The following NAV3 variants were observed in gnomAD, a reference collection of about 807,000 sequenced individuals.
NAV3 encodes the protein pore membrane and/or filament interacting like protein 1.
In NAV3, 87 loss-of-function variants were observed where a neutral mutation model predicts 244.7. The ratio of observed to expected loss-of-function variants is 0.36; its 90% CI spans 0.30 to 0.42. The LOEUF (loss-of-function observed/expected upper bound fraction) is 0.42, where lower values mean the gene tolerates loss of function less well. Among genes scored for constraint, NAV3 ranks in the 20% least tolerant of loss-of-function variants. The probability of loss-of-function intolerance (pLI) is 1.00; values close to 1 mark genes in which losing one functional copy is unlikely to be tolerated. For synonymous variants in NAV3, 1,126 were observed against 1,042.2 expected, an observed-to-expected ratio of 1.08 and a Z score of -1.55; for missense variants, 2,663 against 2,893.3, an observed-to-expected ratio of 0.92 and a Z score of 1.83.
At chr12:77,659,995 A>G (rs1165340478) in intron 2 of NAV3, among the ~76,000 whole-genome samples, 3 of 151,700 alleles carry the variant, frequency 2.0e-5, no homozygotes, top group Non-Finnish European at 4.4e-5. Context: ...GCACTGGGAG[A>G]TATACCTAAT....
At chr12:77,979,720 A>C (rs1315782428) in intron 5 of NAV3, among the ~76,000 whole-genome samples, 4 of 150,982 alleles carry the variant, frequency 2.6e-5, no homozygotes, top group Non-Finnish European at 4.4e-5. Context: ...AAGAAAAAAA[A>C]AAAAAAGCCT....
chr12:78,044,446 A>C (rs1357410094), intron 9 of NAV3, among the ~76,000 whole-genome samples: 1 of 152,110 alleles, frequency 6.6e-6, no homozygotes, highest in Non-Finnish European at 1.5e-5. Flanking sequence ...AATTTAAAGT[A>C]GTTTTTTCTA....
At position 77,662,479 on chromosome 12, in the gene NAV3, T is replaced by G. The variant is rs542663013; in HGVS notation, c.72+90213T>G. ...TAAACTTGCTGTATTTATTAGTAAC[T>G]TTTTTGTAAATCCCATAGGACTAAA... is the stretch of plus-strand genomic sequence containing the variant. On this transcript the variant is annotated intron_variant, in intron 2 of 8. Transcript: ENST00000550042. 4.6e-5 allele frequency among the ~76,000 whole-genome samples: 7 copies of G among 151,790 alleles called. No homozygotes were observed. In the South Asian group the frequency reaches 1.5e-3, roughly 31 times the overall value.
intron 2 of NAV3, among the ~76,000 whole-genome samples, chr12:77,651,468 A>T (rs149457203): frequency 5.9e-5 from 9 of 152,274 alleles, no homozygotes; most frequent in African/African-American, 1.9e-4. Context: ...GATGATTGGA[A>T]TAGATCATTT....
chr12:77,633,954 A>G (rs1160078248), intron 2 of NAV3, among the ~76,000 whole-genome samples: 1 of 152,220 alleles, frequency 6.6e-6, no homozygotes, highest in Non-Finnish European at 1.5e-5. Flanking sequence ...CTTATTTTAT[A>G]TTCTTCAAAA....
At chr12:78,003,170 T>TTTTTTTTTTTTTTGAGAC (rs1457926634) in intron 7 of NAV3, among the ~76,000 whole-genome samples, 1 of 150,034 alleles carries the variant, frequency 6.7e-6, no homozygotes, top group South Asian at 2.1e-4. Flanking sequence ...CAATTATTTA[T>TTTTTTTTTTTTTTGAGAC]GCAAAGCAGT....
intron 5 of NAV3, among the ~76,000 whole-genome samples, chr12:77,973,217 A>T (rs1173131280): frequency 2.0e-5 from 3 of 152,168 alleles, no homozygotes; most frequent in Non-Finnish European, 2.9e-5. Context: ...CAACTCACAG[A>T]TAGTGGTTAT....
intron 2 of NAV3, among the ~76,000 whole-genome samples, chr12:77,688,195 A>G (rs930342165): frequency 6.6e-6 from 1 of 152,052 alleles, no homozygotes; most frequent in Admixed American, 6.6e-5. Flanking sequence ...AAAAAAATTT[A>G]AAATTTGTAT....
chr12:77,893,589 A>G (rs894614394), intron 1 of NAV3, among the ~76,000 whole-genome samples: 6 of 137,100 alleles, frequency 4.4e-5, no homozygotes, highest in Admixed American at 2.2e-4. Context: ...TAGCCAAACT[A>G]AAAAAAAAAA....
intron 5 of NAV3, among the ~76,000 whole-genome samples, chr12:77,976,926 C>T (rs1022320172): frequency 3.9e-5 from 6 of 152,012 alleles, no homozygotes; most frequent in Non-Finnish European, 8.8e-5. Flanking sequence ...CTGCCTGCCT[C>T]GGCCTCCCAA....
chr12:77,737,829 C>T (rs992070089), intron 2 of NAV3, among the ~76,000 whole-genome samples: 10 of 152,114 alleles, frequency 6.6e-5, no homozygotes, highest in South Asian at 2.1e-4. Flanking sequence ...TTCGGTATTT[C>T]GCATTTGTCT....
intron 2 of NAV3, among the ~76,000 whole-genome samples, chr12:77,762,043 G>A (rs1047905862): frequency 7.2e-5 from 11 of 152,146 alleles, no homozygotes; most frequent in Non-Finnish European, 1.3e-4. Flanking sequence ...GCCCATCAGT[G>A]ATAAACTGGA....
intron 5 of NAV3, among the ~76,000 whole-genome samples, chr12:77,973,245 TTATG>T (rs1893151279): frequency 6.6e-6 from 1 of 152,128 alleles, no homozygotes; most frequent in East Asian, 1.9e-4. Flanking sequence ...CATGAATAGT[TTATG>T]TAGTATACAA....
chr12:78,110,651 G>A (rs1194809634), intron 12 of NAV3, among the ~76,000 whole-genome samples: 1 of 151,712 alleles, frequency 6.6e-6, no homozygotes, highest in African/African-American at 2.4e-5. Context: ...CAAATGGTAT[G>A]GAATAGAAAG....
intron 2 of NAV3, among the ~76,000 whole-genome samples, chr12:77,619,646 T>C (rs372041852): frequency 1.3e-5 from 2 of 152,136 alleles, no homozygotes; most frequent in East Asian, 1.9e-4. Flanking sequence ...TTTTGGACTA[T>C]TGAAGGGATA....
chr12:77,998,414 G>T lies in NAV3; in HGVS notation c.818G>T (p.Ser273Ile). ...GGAGCCTCTAATTTAAATAGGAGAAGTCAGAGCTTTAACAGCATTGACAAA... is the reference window on the plus strand; with the variant it reads ...GGAGCCTCTAATTTAAATAGGAGAATTCAGAGCTTTAACAGCATTGACAAA... ...VQGASNLNRR[S>I]QSFNSIDKNK... The change falls in exon 7 of 40, where the codon AGT (serine) becomes ATT (isoleucine). Residue 273 changes from serine (S) to isoleucine (I), a missense_variant. Ser to Ile is a moderately radical substitution (Grantham distance 142). Coordinates refer to ENST00000397909, the MANE Select transcript of NAV3 (RefSeq NM_001024383.2). 6.2e-7 allele frequency: 1 copy of T among 1,612,386 alleles called. No homozygotes were observed. The highest frequency in any genetic ancestry group is 8.5e-7 in the Non-Finnish European group (1 of 1,179,114).
At chr12:77,959,912 C>CAAAAAAAAAA (rs57550714) in intron 3 of NAV3, among the ~76,000 whole-genome samples, 2 of 64,684 alleles carry the variant, frequency 3.1e-5, no homozygotes, top group Non-Finnish European at 5.3e-5. Context: ...CCTGACCCGA[C>CAAAAAAAAAA]AAAAAAAAAA....
intron 8 of NAV3, among the ~76,000 whole-genome samples, chr12:78,015,066 G>A (rs964777320): frequency 6.6e-6 from 1 of 152,076 alleles, no homozygotes; most frequent in Non-Finnish European, 1.5e-5. Context: ...TTTCCCAGCA[G>A]AGCCAGCAGA....
At chr12:77,966,799 T>G (rs1892562986) in intron 4 of NAV3, among the ~76,000 whole-genome samples, 1 of 152,092 alleles carries the variant, frequency 6.6e-6, no homozygotes, top group Non-Finnish European at 1.5e-5. Flanking sequence ...CACTGTTATA[T>G]ATAAATGTTT....
Sources: gnomAD v4.1 joint callset for allele counts (sites outside exome capture counted in the v4.1 genomes callset) on GRCh38, gnomAD v4.1.1 for gene constraint, MANE v1.5 for transcripts, NCBI Gene and HGNC (gene_info 2026-07-23, HGNC 2026-07-21) for gene names.